The following GABBR2 variants were observed in gnomAD, a reference collection of about 807,000 sequenced individuals.
GABBR2 encodes the protein gamma-aminobutyric acid type B receptor subunit 2.
GABBR2 carries 23 observed loss-of-function variants against 105.6 expected under a neutral mutation model. The observed-to-expected ratio is 0.22, with a 90% CI of 0.16 to 0.31. The LOEUF (loss-of-function observed/expected upper bound fraction) is 0.31, where lower values mean the gene tolerates loss of function less well. GABBR2 is among the 10% of genes least tolerant of loss of function. The probability of loss-of-function intolerance (pLI) is 1.00; values close to 1 mark genes in which losing one functional copy is unlikely to be tolerated. For synonymous variants in GABBR2, 478 were observed against 499.7 expected (o/e 0.96, Z 0.58); for missense variants, 734 against 1,245.5 (o/e 0.59, Z 6.18).
chr9:98,573,408 A>G (rs1828862731), intron 2 of GABBR2, among the ~76,000 whole-genome samples: 1 of 152,094 alleles, frequency 6.6e-6, no homozygotes, highest in African/African-American at 2.4e-5. Context: ...TCAGCCTCTC[A>G]AGTTCCTGGG....
chr9:98,376,223 T>C (rs1186874933), intron 11 of GABBR2, among the ~76,000 whole-genome samples: 3 of 152,360 alleles, frequency 2.0e-5, no homozygotes, highest in Admixed American at 6.5e-5. Flanking sequence ...ATTGATTTCA[T>C]GAAGCATGCC....
At chr9:98,543,653 C>T (rs771088329) in intron 2 of GABBR2, among the ~76,000 whole-genome samples, 24 of 152,104 alleles carry the variant, frequency 1.6e-4, no homozygotes, top group Non-Finnish European at 2.6e-4. Flanking sequence ...GCTATCGCAC[C>T]CAGCTTCTTC....
intron 2 of GABBR2, among the ~76,000 whole-genome samples, chr9:98,551,754 G>A (rs1828489982): frequency 6.6e-6 from 1 of 152,204 alleles, no homozygotes; most frequent in South Asian, 2.1e-4. Context: ...GTGAGCTCAT[G>A]CAGCTACGAG....
chr9:98,339,180 T>G (rs1831166744), intron 13 of GABBR2, among the ~76,000 whole-genome samples: 1 of 151,842 alleles, frequency 6.6e-6, no homozygotes, highest in South Asian at 2.1e-4. Context: ...ACAACGTTTT[T>G]CTCAAATAAG....
intron 17 of GABBR2, 58 bp from the exon 18 acceptor site, chr9:98,293,960 A>G: frequency 9.8e-7 from 1 of 1,020,468 alleles, no homozygotes; most frequent in East Asian, 2.4e-5. Flanking sequence ...TTAAAAATCA[A>G]CAATGCAACT....
At chr9:98,519,679 A>G (rs1362833528) in intron 3 of GABBR2, among the ~76,000 whole-genome samples, 1 of 151,386 alleles carries the variant, frequency 6.6e-6, no homozygotes, top group Non-Finnish European at 1.5e-5. Context: ...TCTTTCTACA[A>G]TAGCCTATGC....
At position 98,385,860 on chromosome 9, in the gene GABBR2, A is replaced by T. The variant is rs911210592; in HGVS notation, c.1530-88T>A. 5.7e-6 allele frequency: 6 copies of T among 1,058,604 alleles called. No individual in the cohort carries two copies. In the Admixed American group the frequency reaches 1.1e-4, roughly 19 times the overall value. The allele number at this position is 1,058,604 out of a possible 1,614,324, so 65.6% of individuals were successfully genotyped here. A position where few individuals can be genotyped will look rare whatever the true frequency, so the allele number is the denominator to read the frequency against. ...TATTTTCTAAACGCCTGCTAGATATATATTGTTGCTCAGGCTAGAGGGGAG... is the reference window on the plus strand; with the variant it reads ...TATTTTCTAAACGCCTGCTAGATATTTATTGTTGCTCAGGCTAGAGGGGAG... On this transcript the variant is annotated intron_variant, in intron 10 of 18. Transcript: ENST00000259455.
chr9:98,639,495 C>G (rs1829929056), intron 1 of GABBR2, among the ~76,000 whole-genome samples: 1 of 152,006 alleles, frequency 6.6e-6, no homozygotes, highest in South Asian at 2.1e-4. Context: ...AAAAACAGCA[C>G]ACCTTGCAGC....
At chr9:98,684,886 C>CA (rs1329930570) in intron 1 of GABBR2, among the ~76,000 whole-genome samples, 2 of 152,168 alleles carry the variant, frequency 1.3e-5, no homozygotes, top group African/African-American at 4.8e-5. Context: ...GCTGCATCAC[C>CA]ACCTCCTCCC....
chr9:98,669,022 C>G (rs116398792), intron 1 of GABBR2, among the ~76,000 whole-genome samples: 2,321 of 152,050 alleles, frequency 0.015, 70 homozygotes, highest in African/African-American at 0.054. Context: ...GTACAGATAT[C>G]TGTTTGAGTC....
chr9:98,666,711 G>T (rs1433601253), intron 1 of GABBR2, among the ~76,000 whole-genome samples: 4 of 152,184 alleles, frequency 2.6e-5, no homozygotes, highest in African/African-American at 9.7e-5. Context: ...ATGGCTGGTA[G>T]CTACTATATT....
chr9:98,561,393 G>T (rs963955523), intron 2 of GABBR2, among the ~76,000 whole-genome samples: 16 of 152,116 alleles, frequency 1.1e-4, no homozygotes, highest in African/African-American at 3.9e-4. Flanking sequence ...GGAAGAATCA[G>T]GGCTCCTTGG....
At chr9:98,610,345 T>C (rs1430048452) in intron 1 of GABBR2, among the ~76,000 whole-genome samples, 1 of 152,232 alleles carries the variant, frequency 6.6e-6, no homozygotes, top group Non-Finnish European at 1.5e-5. Flanking sequence ...GCCCACAGCC[T>C]GCACTACGTG....
chr9:98,648,294 G>A (rs1028953481), intron 1 of GABBR2, among the ~76,000 whole-genome samples: 6 of 151,962 alleles, frequency 3.9e-5, no homozygotes, highest in African/African-American at 1.5e-4. Flanking sequence ...ACCACGCCCA[G>A]CTAATTTTTG....
At position 98,329,863 on chromosome 9, in the gene GABBR2, TTC is replaced by T. The variant is rs549774439; in HGVS notation, c.1894-18660_1894-18659del. 6.0e-4 allele frequency among the ~76,000 whole-genome samples: 90 copies of T among 149,824 alleles called. 1 individual carries two copies. Among genetic ancestry groups the T allele is most frequent in the South Asian group, 1.7e-3 (8 of 4,714 alleles). ...CTCCTCTCCTCTCCTTTTCTTCTTC[TTC>T]TCTCTCTCTCTCTCTCACACACACA... On this transcript the variant is annotated intron_variant, in intron 13 of 18. Coordinates refer to ENST00000259455, the MANE Select transcript of GABBR2 (RefSeq NM_005458.8).
intron 1 of GABBR2, among the ~76,000 whole-genome samples, chr9:98,651,707 T>C (rs1278821121): frequency 6.6e-6 from 1 of 152,172 alleles, no homozygotes; most frequent in Non-Finnish European, 1.5e-5. Flanking sequence ...GCTGGAATTA[T>C]AGGTGTGAGC....
intron 18 of GABBR2, among the ~76,000 whole-genome samples, chr9:98,292,574 A>C (rs1372496342): frequency 6.6e-6 from 1 of 152,208 alleles, no homozygotes; most frequent in Non-Finnish European, 1.5e-5. Flanking sequence ...AGTGTTGGAG[A>C]TCTCATTCTG....
intron 1 of GABBR2, among the ~76,000 whole-genome samples, chr9:98,623,230 G>T (rs113097806): frequency 0.075 from 11,391 of 152,226 alleles, 461 homozygotes; most frequent in African/African-American, 0.089. Context: ...TTCAAGACCA[G>T]CCTGGGCAAC....
intron 7 of GABBR2, among the ~76,000 whole-genome samples, chr9:98,432,789 T>C (rs1825836654): frequency 6.6e-6 from 1 of 152,156 alleles, no homozygotes; most frequent in African/African-American, 2.4e-5. Flanking sequence ...ACAGATGAAT[T>C]GAGGCACAGA....
Sources: gnomAD v4.1 joint callset for allele counts (sites outside exome capture counted in the v4.1 genomes callset) on GRCh38, gnomAD v4.1.1 for gene constraint, MANE v1.5 for transcripts, NCBI Gene and HGNC (gene_info 2026-07-23, HGNC 2026-07-21) for gene names.